CDH13: variants seen among roughly 807,000 people sequenced by gnomAD.
CDH13 encodes cadherin 13.
A neutral mutation model predicts 63.8 loss-of-function variants in CDH13; 24 were observed. That is an observed-to-expected ratio of 0.38 (90% CI 0.27 to 0.53). The LOEUF is 0.53. CDH13 is among the 20% of genes least tolerant of loss of function. The pLI is 0.85. For missense variants in CDH13, 1,049 were observed against 903.1 expected (o/e 1.16, Z -2.07); for synonymous variants, 503 against 355.3 (o/e 1.42, Z -4.67).
At chr16:82,780,197 C>A (rs945652471) in intron 1 of CDH13, among the ~76,000 whole-genome samples, 10 of 152,190 alleles carry the variant, frequency 6.6e-5, no homozygotes, top group Non-Finnish European at 1.0e-4. Context: ...AAGAAAAAAA[C>A]CCCACATATG....
intron 6 of CDH13, among the ~76,000 whole-genome samples, chr16:83,416,731 G>A (rs2071560359): frequency 6.6e-6 from 1 of 152,150 alleles, no homozygotes. Flanking sequence ...GCAGAAAGAT[G>A]AATAAAAGCA....
intron 7 of CDH13, among the ~76,000 whole-genome samples, chr16:83,555,792 A>G (rs927600013): frequency 6.6e-6 from 1 of 152,240 alleles, no homozygotes; most frequent in African/African-American, 2.4e-5. Flanking sequence ...TCTGCTCCCA[A>G]TTCCAGAAAG....
intron 10 of CDH13, among the ~76,000 whole-genome samples, chr16:83,737,925 G>T (rs1457775137): frequency 6.6e-6 from 1 of 152,226 alleles, no homozygotes; most frequent in African/African-American, 2.4e-5. Flanking sequence ...GTTTTCTCAT[G>T]TGTAAAATAA....
At chr16:83,732,829 G>A (rs991918558) in intron 10 of CDH13, among the ~76,000 whole-genome samples, 4 of 152,112 alleles carry the variant, frequency 2.6e-5, no homozygotes, top group Admixed American at 6.5e-5. Flanking sequence ...AAATCCCTGG[G>A]GATATCAACT....
At chr16:83,271,324 C>G (rs1349991682) in intron 5 of CDH13, among the ~76,000 whole-genome samples, 1 of 146,868 alleles carries the variant, frequency 6.8e-6, no homozygotes, top group Non-Finnish European at 1.5e-5. Context: ...CAGGGCAGAT[C>G]CCAGGCTGGA....
intron 2 of CDH13, chr16:82,884,566 G>C (rs1365487248): frequency 5.1e-6 from 1 of 194,808 alleles, no homozygotes; most frequent in Admixed American, 5.4e-5. Context: ...TGTGTCCCCT[G>C]TAGGTGTTTG....
At chr16:83,626,674 C>T (rs1467229251) in intron 8 of CDH13, among the ~76,000 whole-genome samples, 1 of 152,102 alleles carries the variant, frequency 6.6e-6, no homozygotes, top group Non-Finnish European at 1.5e-5. Flanking sequence ...TGTCCATTCT[C>T]TCTTTCTCGG....
intron 3 of CDH13, among the ~76,000 whole-genome samples, chr16:83,061,233 C>T (rs987533375): frequency 6.6e-6 from 1 of 152,120 alleles, no homozygotes; most frequent in African/African-American, 2.4e-5. Context: ...GTGGTCCACA[C>T]ACATGAATAT....
intron 2 of CDH13, among the ~76,000 whole-genome samples, chr16:82,966,835 T>A (rs1290686006): frequency 1.3e-5 from 2 of 152,194 alleles, no homozygotes; most frequent in Admixed American, 6.5e-5. Flanking sequence ...ACAAGGATGT[T>A]TTTTCTCTCT....
chr16:83,680,423 T>C (rs1915311748), intron 10 of CDH13, among the ~76,000 whole-genome samples: 1 of 152,050 alleles, frequency 6.6e-6, no homozygotes, highest in South Asian at 2.1e-4. Flanking sequence ...GCTGGGAGTA[T>C]GGAGGCAGCC....
intron 8 of CDH13, among the ~76,000 whole-genome samples, chr16:83,625,229 T>C (rs543342457): frequency 6.7e-6 from 1 of 148,832 alleles, no homozygotes; most frequent in South Asian, 2.1e-4. Context: ...CGTGTGTCTA[T>C]GTGTGTGTGT....
chr16:82,815,466 T>C (rs2037658824), intron 1 of CDH13, among the ~76,000 whole-genome samples: 1 of 152,186 alleles, frequency 6.6e-6, no homozygotes, highest in African/African-American at 2.4e-5. Flanking sequence ...TGGTAGTGTG[T>C]GTCAGGTGCT....
At chr16:82,805,639 G>C (rs929024478) in intron 1 of CDH13, among the ~76,000 whole-genome samples, 4 of 152,122 alleles carry the variant, frequency 2.6e-5, no homozygotes, top group Non-Finnish European at 5.9e-5. Flanking sequence ...AAGTCAAAAA[G>C]ACTTTGTAAA....
chr16:83,219,801 T>C (rs1388288002), intron 5 of CDH13, among the ~76,000 whole-genome samples: 3 of 152,180 alleles, frequency 2.0e-5, no homozygotes, highest in Admixed American at 6.5e-5. Flanking sequence ...CGCTTCAAGG[T>C]GTTCGGAGGA....
At chr16:83,031,806 C>T (rs555982520) in intron 2 of CDH13, among the ~76,000 whole-genome samples, 6 of 152,282 alleles carry the variant, frequency 3.9e-5, no homozygotes, top group Admixed American at 6.5e-5. Context: ...CATGCGAGTT[C>T]GTCAAGGACA....
intron 7 of CDH13, among the ~76,000 whole-genome samples, chr16:83,497,996 C>G (rs1337197776): frequency 6.6e-6 from 1 of 152,218 alleles, no homozygotes; most frequent in Non-Finnish European, 1.5e-5. Context: ...AACAGGCAAC[C>G]TCAGACAGAC....
chr16:82,940,161 G>A (rs2042788493), intron 2 of CDH13, among the ~76,000 whole-genome samples: 1 of 152,190 alleles, frequency 6.6e-6, no homozygotes, highest in South Asian at 2.1e-4. Flanking sequence ...TTCAAGATGA[G>A]ATTTGGGTTG....
intron 10 of CDH13, among the ~76,000 whole-genome samples, chr16:83,735,000 C>CA (rs34189850): frequency 0.76 from 108,884 of 143,282 alleles, 41,324 homozygotes; most frequent in Middle Eastern, 0.81. Flanking sequence ...TGTGGTTATT[C>CA]AAAAAAAAAA....
At chr16:82,693,656 T>A (rs755366857) in intron 1 of CDH13, among the ~76,000 whole-genome samples, 6 of 152,194 alleles carry the variant, frequency 3.9e-5, no homozygotes, top group Non-Finnish European at 8.8e-5. Flanking sequence ...TGTCAGTGAA[T>A]CATTAATGAG....
Sources: allele counts gnomAD v4.1 joint callset (sites outside exome capture counted in the v4.1 genomes callset), GRCh38; gene constraint gnomAD v4.1.1; transcripts MANE v1.5; gene names NCBI Gene and HGNC (gene_info 2026-07-23, HGNC 2026-07-21).